Variants in LMO7 observed in about 807,000 individuals in gnomAD.
LMO7 encodes the protein LIM domain only protein 7.
A neutral mutation model predicts 206.5 loss-of-function variants in LMO7; 120 were observed. The observed-to-expected ratio is 0.58, with a 90% CI of 0.50 to 0.68. The LOEUF is 0.68. LMO7 is among the 30% of genes least tolerant of loss of function. The pLI is 0.00. For synonymous variants in LMO7, 706 were observed against 681.5 expected (o/e 1.04, Z -0.56); for missense variants, 1,959 against 1,957.9 (o/e 1.00, Z -0.01).
At chr13:75,750,038 G>A (rs1241543909) in intron 3 of LMO7, among the ~76,000 whole-genome samples, 1 of 151,382 alleles carries the variant, frequency 6.6e-6, no homozygotes, top group Admixed American at 6.6e-5. Context: ...AACAAGCGAT[G>A]ATTATCCAAA....
Position 75,660,140 on chromosome 13 carries a change from T to C in LMO7, c.69+23414T>C, listed in dbSNP as rs546982937. On this transcript the variant is annotated intron_variant, in intron 1 of 30. Coordinates refer to ENST00000377534, the MANE Select transcript of LMO7 (RefSeq NM_001306080.2). ...CATTTAGAAGATGTTTATTGAACAC[T>C]TCCTATGTTCTAGACGATGTAGGGG... 2.6e-5 allele frequency among the ~76,000 whole-genome samples: 4 copies of C among 152,358 alleles called. No individual in the cohort carries two copies. The East Asian group carries it at 7.7e-4, about 29-fold the overall frequency.
At chr13:75,666,252 C>T (rs1052231369) in intron 1 of LMO7, among the ~76,000 whole-genome samples, 4 of 152,184 alleles carry the variant, frequency 2.6e-5, no homozygotes, top group Admixed American at 6.5e-5. Context: ...GAATTATTTA[C>T]AGCCTACTGT....
intron 1 of LMO7, among the ~76,000 whole-genome samples, chr13:75,671,024 C>T (rs1040614902): frequency 5.8e-5 from 8 of 137,370 alleles, no homozygotes. Flanking sequence ...ACACAAACAC[C>T]AGGATTAGCC....
At chr13:75,778,196 G>A (rs1345273451) in intron 4 of LMO7, among the ~76,000 whole-genome samples, 4 of 152,000 alleles carry the variant, frequency 2.6e-5, no homozygotes, top group African/African-American at 9.7e-5. Context: ...GAAACATTTT[G>A]TTCTGTGGAC....
At chr13:75,765,116 G>C (rs989379653) in intron 4 of LMO7, among the ~76,000 whole-genome samples, 7 of 152,086 alleles carry the variant, frequency 4.6e-5, no homozygotes, top group African/African-American at 1.4e-4. Flanking sequence ...CTTCACAAGA[G>C]TGCTTGATTT....
chr13:75,750,170 G>A (rs1018983154), intron 3 of LMO7, among the ~76,000 whole-genome samples: 6 of 152,026 alleles, frequency 3.9e-5, no homozygotes, highest in Non-Finnish European at 7.4e-5. Context: ...CTACTTAGAA[G>A]TTGCTTTAAA....
rs549983556 is a variant in LMO7 at position 75,639,531 on chromosome 13, T to C, written c.69+2805T>C. ...TCAAGGCAAAGGCAGAGGAGAAGCT[T>C]GATTCTAGCAAGGCTACGCAGTGGC... On this transcript the variant is annotated intron_variant, in intron 1 of 30. Coordinates refer to ENST00000377534, the MANE Select transcript of LMO7 (RefSeq NM_001306080.2). 3.3e-5 allele frequency among the ~76,000 whole-genome samples: 5 copies of C among 152,160 alleles called. No homozygotes were observed. The East Asian group carries it at 9.7e-4, about 29-fold the overall frequency.
rs1435378495 is a variant in LMO7 at position 75,713,458 on chromosome 13, A to C, written c.140+206A>C. On this transcript the variant is annotated intron_variant, in intron 2 of 30. Coordinates refer to ENST00000377534, the MANE Select transcript of LMO7 (RefSeq NM_001306080.2). ...ATCAGTCTCTGTATCTAAAGATAGCACTGGTAAAATATATATTATTTTTAA... is the reference window on the plus strand; with the variant it reads ...ATCAGTCTCTGTATCTAAAGATAGCCCTGGTAAAATATATATTATTTTTAA... Among the ~76,000 whole-genome samples, 3 of 152,158 alleles carry C rather than the reference A, an allele frequency of 2.0e-5. No homozygotes were observed. In the East Asian group the frequency reaches 5.8e-4, roughly 29 times the overall value.
intron 3 of LMO7, among the ~76,000 whole-genome samples, chr13:75,746,939 G>A (rs2046888554): frequency 6.6e-6 from 1 of 151,974 alleles, no homozygotes; most frequent in Non-Finnish European, 1.5e-5. Flanking sequence ...GTTTCTGGTA[G>A]TTGGCCTTAG....
upstream of LMO7, among the ~76,000 whole-genome samples, chr13:75,633,297 C>T (rs2035239856): frequency 6.6e-6 from 1 of 152,192 alleles, no homozygotes; most frequent in Non-Finnish European, 1.5e-5. Context: ...CAGTGGCCTC[C>T]CTTTCAGCAG....
At chr13:75,732,290 A>T (rs866485551) in intron 3 of LMO7, among the ~76,000 whole-genome samples, 2 of 152,162 alleles carry the variant, frequency 1.3e-5, no homozygotes, top group Non-Finnish European at 2.9e-5. Flanking sequence ...GTCTTTTCAC[A>T]TAGTCCCATA....
At chr13:75,799,769 C>T (rs147652403) in intron 6 of LMO7, among the ~76,000 whole-genome samples, 19 of 152,220 alleles carry the variant, frequency 1.2e-4, no homozygotes, top group South Asian at 4.1e-4. Flanking sequence ...ATTATAGTTA[C>T]GAGATATTCA....
At chr13:75,644,309 A>T (rs1049239310) in intron 1 of LMO7, among the ~76,000 whole-genome samples, 2 of 152,150 alleles carry the variant, frequency 1.3e-5, no homozygotes, top group African/African-American at 4.8e-5. Context: ...TGAGAGGTAA[A>T]ATAATTTACT....
chr13:75,794,071 A>G (rs2053654023), intron 4 of LMO7, among the ~76,000 whole-genome samples: 2 of 152,212 alleles, frequency 1.3e-5, no homozygotes, highest in South Asian at 2.1e-4. Context: ...AAGGACATCT[A>G]CGCTGCTTCT....
intron 1 of LMO7, among the ~76,000 whole-genome samples, chr13:75,671,913 G>A (rs916603458): frequency 9.9e-5 from 15 of 152,016 alleles, no homozygotes; most frequent in African/African-American, 3.4e-4. Flanking sequence ...CAGGTCAACT[G>A]TGCATGGTAA....
chr13:75,627,443 G>A (rs1275865999), intron 2 of LMO7: 2 of 152,172 alleles, frequency 1.3e-5, no homozygotes, highest in African/African-American at 4.8e-5. Flanking sequence ...ATCATAAGTT[G>A]AGGAGTATCT....
At chr13:75,738,700 G>A (rs2046166977) in intron 3 of LMO7, among the ~76,000 whole-genome samples, 1 of 151,956 alleles carries the variant, frequency 6.6e-6, no homozygotes, top group African/African-American at 2.4e-5. Context: ...AACTTTATTT[G>A]GGATTTTTTT....
At chr13:75,649,267 C>A (rs1468834039) in intron 1 of LMO7, among the ~76,000 whole-genome samples, 1 of 152,086 alleles carries the variant, frequency 6.6e-6, no homozygotes, top group Non-Finnish European at 1.5e-5. Context: ...GGGGAATGAC[C>A]ATATTGCATA....
intron 1 of LMO7, among the ~76,000 whole-genome samples, chr13:75,675,312 G>T (rs1057412072): frequency 2.6e-5 from 4 of 151,960 alleles, no homozygotes; most frequent in African/African-American, 9.7e-5. Context: ...GACCTCAAAT[G>T]ATCCACCCAC....
Sources: allele counts gnomAD v4.1 joint callset (sites outside exome capture counted in the v4.1 genomes callset), GRCh38; gene constraint gnomAD v4.1.1; transcripts MANE v1.5; gene names NCBI Gene and HGNC (gene_info 2026-07-23, HGNC 2026-07-21).